NCKAP5: variants seen among roughly 807,000 people sequenced by gnomAD.
NCKAP5 encodes the protein NCK associated protein 5, also known as nck-associated protein 5.
A neutral mutation model predicts 167.0 loss-of-function variants in NCKAP5; 92 were observed. The ratio of observed to expected loss-of-function variants is 0.55; its 90% CI spans 0.47 to 0.66. The LOEUF is 0.66. NCKAP5 is among the 30% of genes least tolerant of loss of function. NCKAP5 has a pLI of 0.00. For synonymous variants in NCKAP5, 891 were observed against 877.4 expected, an observed-to-expected ratio of 1.02 and a Z score of -0.27; for missense variants, 2,378 against 2,315.0, an observed-to-expected ratio of 1.03 and a Z score of -0.56.
chr2:133,329,967 C>T (rs1393824518), intron 3 of NCKAP5, among the ~76,000 whole-genome samples: 2 of 150,270 alleles, frequency 1.3e-5, no homozygotes, highest in African/African-American at 2.4e-5. Context: ...GAGGGGCCAG[C>T]GTCTAAGACA....
chr2:133,517,692 T>C (rs1185323364), intron 2 of NCKAP5, 105 bp from the exon 3 acceptor site: 2 of 415,562 alleles, frequency 4.8e-6, no homozygotes, highest in Non-Finnish European at 8.6e-6. Flanking sequence ...AAATACCCAG[T>C]CCCAAATAAT....
At chr2:132,987,473 A>AAG (rs1214220907) in intron 7 of NCKAP5, among the ~76,000 whole-genome samples, 1 of 152,226 alleles carries the variant, frequency 6.6e-6, no homozygotes, top group Non-Finnish European at 1.5e-5. Flanking sequence ...AATTACATCT[A>AAG]AGAGTATGTT....
At chr2:133,445,491 T>C (rs183835328) in intron 3 of NCKAP5, among the ~76,000 whole-genome samples, 19 of 152,320 alleles carry the variant, frequency 1.2e-4, no homozygotes, top group African/African-American at 4.3e-4. Context: ...AGACCTTGGA[T>C]CAAAAATCCC....
Position 132,782,453 on chromosome 2 carries a change from T to C in NCKAP5, c.4358A>G (p.Asp1453Gly), listed in dbSNP as rs763976479. The C allele has an allele frequency of 3.7e-6, 6 of 1,613,268 alleles. No individual in the cohort carries two copies. In the African/African-American group the frequency reaches 6.7e-5, roughly 18 times the overall value. Residue 1453 changes from aspartate (D) to glycine (G), a missense_variant, in exon 14 of 20, where the codon GAT (aspartate) becomes GGT (glycine). Transcript: ENST00000409261. ...AGCATCAGTCGCGGTTGCAGAGGCA[T>C]CTGGATGCCTTCCAGAAGTTTCTAG... is the stretch of plus-strand genomic sequence containing the variant. Reference protein sequence around the residue: ...SKLETSGRHPDASATATDAVS... With the variant: ...SKLETSGRHPGASATATDAVS...
chr2:133,484,209 T>C (rs1454526238), intron 3 of NCKAP5, among the ~76,000 whole-genome samples: 1 of 152,172 alleles, frequency 6.6e-6, no homozygotes, highest in Non-Finnish European at 1.5e-5. Flanking sequence ...GAGGGGAAGA[T>C]GGAAAGTTAT....
At chr2:133,282,918 C>T (rs536228841) in intron 4 of NCKAP5, among the ~76,000 whole-genome samples, 86 of 152,268 alleles carry the variant, frequency 5.6e-4, no homozygotes, top group Admixed American at 1.5e-3. Context: ...CATGATCATC[C>T]ATATGTATTA....
At chr2:132,921,382 C>G (rs1347952393) in intron 8 of NCKAP5, among the ~76,000 whole-genome samples, 1 of 152,146 alleles carries the variant, frequency 6.6e-6, no homozygotes, top group Admixed American at 6.5e-5. Flanking sequence ...CCCACTGCAA[C>G]TAATTATAAC....
At position 132,928,846 on chromosome 2, in the gene NCKAP5, C is replaced by T. The variant is rs369715569; in HGVS notation, c.579+34874G>A. ...ACCTAGTCTAACTTCAAGACTCCTACGTGGTGGCTCATGCCTGTAATCCCA... is the reference window on the plus strand; with the variant it reads ...ACCTAGTCTAACTTCAAGACTCCTATGTGGTGGCTCATGCCTGTAATCCCA... On this transcript the variant is annotated intron_variant, in intron 8 of 19. Transcript: ENST00000409261. Among the ~76,000 whole-genome samples, 6 of 152,196 alleles carry T rather than the reference C, an allele frequency of 3.9e-5. No individual in the cohort carries two copies. The South Asian group carries it at 6.2e-4, about 16-fold the overall frequency.
chr2:132,904,035 T>A (rs1018232056), intron 8 of NCKAP5, among the ~76,000 whole-genome samples: 1 of 152,158 alleles, frequency 6.6e-6, no homozygotes, highest in Non-Finnish European at 1.5e-5. Context: ...ACGCCTGTAA[T>A]CCCAGCACTT....
At chr2:133,547,711 A>G (rs1319698845) in intron 2 of NCKAP5, among the ~76,000 whole-genome samples, 3 of 150,024 alleles carry the variant, frequency 2.0e-5, no homozygotes, top group Non-Finnish European at 3.0e-5. Context: ...GGACATCCAC[A>G]TCGAAAACCC....
intron 6 of NCKAP5, among the ~76,000 whole-genome samples, chr2:133,000,099 G>A (rs1418459227): frequency 6.6e-6 from 1 of 152,140 alleles, no homozygotes; most frequent in African/African-American, 2.4e-5. Flanking sequence ...AGTCAGGTGA[G>A]AGGGTGCAAG....
chr2:132,927,917 G>C (rs1270124613), intron 8 of NCKAP5, among the ~76,000 whole-genome samples: 1 of 152,116 alleles, frequency 6.6e-6, no homozygotes, highest in Admixed American at 6.5e-5. Flanking sequence ...AAGAGACAGA[G>C]CCATATTTTC....
At chr2:133,230,624 C>T (rs1158265698) in intron 4 of NCKAP5, among the ~76,000 whole-genome samples, 2 of 152,158 alleles carry the variant, frequency 1.3e-5, no homozygotes, top group East Asian at 3.9e-4. Context: ...CATTTATTTA[C>T]ATATAATTCA....
chr2:133,614,944 G>A, the NCKAP5 span, among the ~76,000 whole-genome samples: 36 of 152,114 alleles, frequency 2.4e-4, 1 homozygote, highest in African/African-American at 7.7e-4. Context: ...GACTAACAGC[G>A]GATCTCTCAG....
the NCKAP5 span, among the ~76,000 whole-genome samples, chr2:133,617,913 G>A: frequency 6.6e-6 from 1 of 151,872 alleles, no homozygotes; most frequent in Admixed American, 6.6e-5. Context: ...ATACTACAAG[G>A]CTACAGTAAC....
At position 133,017,725 on chromosome 2, in the gene NCKAP5, C is replaced by T. The variant is rs185500000; in HGVS notation, c.342-23486G>A. Among the ~76,000 whole-genome samples the T allele has an allele frequency of 8.0e-3, 1,193 of 149,316 alleles. 18 individuals carry two copies. The highest frequency in any genetic ancestry group is 0.027 in the African/African-American group (1,094 of 40,150). ...CTTTTCTGTAAGGCAAGTTCTTCCCCGCCCCCCCACTGTTTCCTTCTCTCC... is the reference window on the plus strand; with the variant it reads ...CTTTTCTGTAAGGCAAGTTCTTCCCTGCCCCCCCACTGTTTCCTTCTCTCC... On this transcript the variant is annotated intron_variant, in intron 6 of 19. Transcript: ENST00000409261.
At chr2:133,451,057 G>C (rs1391561031) in intron 3 of NCKAP5, among the ~76,000 whole-genome samples, 1 of 152,096 alleles carries the variant, frequency 6.6e-6, no homozygotes, top group African/African-American at 2.4e-5. Context: ...TAGGGTCTTT[G>C]TAGCTGTAAT....
intron 5 of NCKAP5, among the ~76,000 whole-genome samples, chr2:133,190,206 C>A (rs2150074612): frequency 6.6e-6 from 1 of 152,136 alleles, no homozygotes; most frequent in East Asian, 1.9e-4. Flanking sequence ...GCCTAGGAAT[C>A]CAACTTACAA....
At chr2:133,362,122 G>A (rs187395605) in intron 3 of NCKAP5, among the ~76,000 whole-genome samples, 1 of 152,224 alleles carries the variant, frequency 6.6e-6, no homozygotes, top group Non-Finnish European at 1.5e-5. Flanking sequence ...ATGAGAACAA[G>A]GATGGGATTG....
Sources: gnomAD v4.1 joint callset for allele counts (sites outside exome capture counted in the v4.1 genomes callset) on GRCh38, gnomAD v4.1.1 for gene constraint, MANE v1.5 for transcripts, NCBI Gene and HGNC (gene_info 2026-07-23, HGNC 2026-07-21) for gene names.